CHRM5: variants seen among roughly 807,000 people sequenced by gnomAD.
The protein encoded by CHRM5 is cholinergic receptor muscarinic 5.
A neutral mutation model predicts 39.0 loss-of-function variants in CHRM5; 18 were observed. The ratio of observed to expected loss-of-function variants is 0.46; its 90% CI spans 0.32 to 0.68. The LOEUF is 0.68. Ranked by LOEUF, CHRM5 falls within the 30% of genes least tolerant of loss-of-function variation. The pLI, the probability that CHRM5 is intolerant of heterozygous loss-of-function variation, is 0.04. For synonymous variants in CHRM5, 241 were observed against 246.3 expected, an observed-to-expected ratio of 0.98 and a Z score of 0.20; for missense variants, 515 against 651.1, an observed-to-expected ratio of 0.79 and a Z score of 2.28.
At chr15:33,994,774 T>C (rs1597326367) in intron 1 of CHRM5, among the ~76,000 whole-genome samples, 1 of 152,208 alleles carries the variant, frequency 6.6e-6, no homozygotes, top group Non-Finnish European at 1.5e-5. Context: ...AGCTATATTC[T>C]CTACTCTTGA....
At chr15:33,987,762 A>G (rs1283505981) in intron 1 of CHRM5, among the ~76,000 whole-genome samples, 4 of 152,176 alleles carry the variant, frequency 2.6e-5, no homozygotes, top group African/African-American at 4.8e-5. Context: ...CTTCTGCTAC[A>G]AGTTGGCAAA....
intron 1 of CHRM5, among the ~76,000 whole-genome samples, chr15:34,037,329 G>A (rs1899190367): frequency 6.6e-6 from 1 of 151,976 alleles, no homozygotes; most frequent in Non-Finnish European, 1.5e-5. Context: ...TCTCAATAAA[G>A]TGGTAACTGG....
At chr15:34,050,068 A>G (rs1387144051) in intron 2 of CHRM5, among the ~76,000 whole-genome samples, 1 of 151,936 alleles carries the variant, frequency 6.6e-6, no homozygotes, top group Non-Finnish European at 1.5e-5. Context: ...TTGTATTTTT[A>G]GTAGAGATGG....
At position 34,064,550 on chromosome 15, in the gene CHRM5, T is replaced by G. The variant is rs1900461163; in HGVS notation, c.*234T>G. 1.8e-6 allele frequency: 1 copy of G among 569,176 alleles called. No individual in the cohort carries two copies. The highest frequency in any genetic ancestry group is 3.1e-5 in the East Asian group (1 of 32,454). 35.3% of individuals were successfully genotyped at this position (569,176 alleles called of 1,614,324 possible). On this transcript the variant is annotated 3_prime_UTR_variant, in exon 3 of 3. Coordinates refer to ENST00000383263, the MANE Select transcript of CHRM5 (RefSeq NM_012125.4). ...CAAGGCCATTTGATGCCAGGGGAGT[T>G]TGCCAATGAAGTAAAGGGATAGGCT... is the stretch of plus-strand genomic sequence containing the variant.
intron 1 of CHRM5, among the ~76,000 whole-genome samples, chr15:33,983,168 GTGTA>G (rs754084912): frequency 0.034 from 3,433 of 101,720 alleles, 84 homozygotes; most frequent in Non-Finnish European, 0.041. Flanking sequence ...GTATGTGTGT[GTGTA>G]TATATACACA....
chr15:34,039,431 A>T (rs1292843280), intron 1 of CHRM5, among the ~76,000 whole-genome samples: 2 of 152,152 alleles, frequency 1.3e-5, no homozygotes, highest in Admixed American at 1.3e-4. Flanking sequence ...GTTTAAACGT[A>T]TGTATTTGCA....
intron 1 of CHRM5, chr15:34,002,897 G>A (rs1567460190): frequency 1.2e-6 from 1 of 838,876 alleles, no homozygotes; most frequent in Non-Finnish European, 1.8e-6. Context: ...TAGAAACACT[G>A]TCCTTTACTT....
At chr15:34,045,034 C>T (rs192772269) in intron 1 of CHRM5, among the ~76,000 whole-genome samples, 72 of 152,140 alleles carry the variant, frequency 4.7e-4, no homozygotes, top group African/African-American at 1.6e-3. Flanking sequence ...GGCGACAGAG[C>T]GAGACTCTGT....
chr15:34,013,065 G>C (rs982576573), intron 1 of CHRM5, among the ~76,000 whole-genome samples: 1 of 146,128 alleles, frequency 6.8e-6, no homozygotes, highest in Non-Finnish European at 1.5e-5. Context: ...TTTTTTGTTT[G>C]TTTGTTTGTT....
chr15:34,007,791 G>C (rs1348019692), intron 1 of CHRM5, among the ~76,000 whole-genome samples: 1 of 152,184 alleles, frequency 6.6e-6, no homozygotes, highest in Non-Finnish European at 1.5e-5. Flanking sequence ...GGTATTGGTA[G>C]GGTTGGCTCT....
intron 1 of CHRM5, among the ~76,000 whole-genome samples, chr15:34,036,715 C>G (rs1046634582): frequency 6.6e-6 from 1 of 152,134 alleles, no homozygotes; most frequent in African/African-American, 2.4e-5. Flanking sequence ...GGGATAAGAC[C>G]AACTCGACAA....
chr15:34,063,230 C>T lies in CHRM5; in HGVS notation c.513C>T (p.Tyr171=). The T allele has an allele frequency of 6.2e-7, 1 of 1,614,206 alleles. No homozygotes were observed. The highest frequency in any genetic ancestry group is 8.5e-7 in the Non-Finnish European group (1 of 1,180,038). The part of the protein sequence containing the change: ...LWAPAILCWQ[Y]LVGKRTVPLD... ...CCCCAGCAATCCTCTGCTGGCAGTA[C>T]TTGGTTGGGAAGCGGACAGTTCCAC... The change falls in exon 3 of 3, where the codon TAC becomes TAT. Residue 171 remains tyrosine (Y), a synonymous_variant. Transcript: ENST00000383263. The surrounding 1 kb of genome is among the most constrained non-coding windows in gnomAD (Gnocchi z 4.1).
chr15:34,045,764 T>C (rs1597385212), intron 1 of CHRM5, among the ~76,000 whole-genome samples: 2 of 152,266 alleles, frequency 1.3e-5, no homozygotes, highest in East Asian at 3.9e-4. Context: ...CCTCAAAAGT[T>C]GGCAAGTCCA....
At chr15:33,993,921 A>G (rs1896830065) in intron 1 of CHRM5, among the ~76,000 whole-genome samples, 1 of 152,222 alleles carries the variant, frequency 6.6e-6, no homozygotes, top group Admixed American at 6.5e-5. Context: ...ACTTCATGCT[A>G]TGTTGAAAAG....
chr15:34,006,432 A>G (rs1196144736), intron 1 of CHRM5, among the ~76,000 whole-genome samples: 2 of 152,252 alleles, frequency 1.3e-5, no homozygotes, highest in Admixed American at 6.5e-5. Flanking sequence ...TTGGGTGAAC[A>G]GAGTTCAGAG....
chr15:34,020,243 G>A (rs1459314582), intron 1 of CHRM5, among the ~76,000 whole-genome samples: 4 of 151,890 alleles, frequency 2.6e-5, no homozygotes, highest in East Asian at 1.9e-4. Flanking sequence ...CCAGGGAGGC[G>A]GAGCTTGCAG....
chr15:34,022,566 T>A (rs1261999103), intron 1 of CHRM5, among the ~76,000 whole-genome samples: 1 of 152,196 alleles, frequency 6.6e-6, no homozygotes, highest in African/African-American at 2.4e-5. Context: ...ACACAAACTT[T>A]GAGGCTGGGC....
chr15:33,992,289 C>T (rs1358010931), intron 1 of CHRM5, among the ~76,000 whole-genome samples: 4 of 152,066 alleles, frequency 2.6e-5, no homozygotes, highest in Non-Finnish European at 5.9e-5. Flanking sequence ...ACTCGGGAGG[C>T]TGAGGGAGGA....
At chr15:34,017,481 T>TTG (rs1181705278) in intron 1 of CHRM5, among the ~76,000 whole-genome samples, 568 of 51,978 alleles carry the variant, frequency 0.011, 8 homozygotes, top group Middle Eastern at 0.048. Context: ...TGATTTTTTT[T>TTG]TTGTTTTTTT....
Sources: gnomAD v4.1 joint callset for allele counts (sites outside exome capture counted in the v4.1 genomes callset) on GRCh38, gnomAD v4.1.1 for gene constraint, Gnocchi (gnomAD v3.1) non-coding constraint, MANE v1.5 for transcripts, NCBI Gene and HGNC (gene_info 2026-07-23, HGNC 2026-07-21) for gene names.